The following HSPA4L variants were observed in gnomAD, a reference collection of about 807,000 sequenced individuals.
HSPA4L encodes the protein heat shock 70 kDa protein 4L.
A neutral mutation model predicts 100.3 loss-of-function variants in HSPA4L; 48 were observed. The ratio of observed to expected loss-of-function variants is 0.48; its 90% CI spans 0.38 to 0.61. The LOEUF (loss-of-function observed/expected upper bound fraction) is 0.61, where lower values mean the gene tolerates loss of function less well. Among genes scored for constraint, HSPA4L ranks in the 20% least tolerant of loss-of-function variants. The pLI, the probability that HSPA4L is intolerant of heterozygous loss-of-function variation, is 0.00. For missense variants in HSPA4L, 886 were observed against 988.6 expected (o/e 0.90, Z 1.39); for synonymous variants, 319 against 328.2 (o/e 0.97, Z 0.30).
chr4:127,787,672 C>G (rs1732755578), intron 1 of HSPA4L, among the ~76,000 whole-genome samples: 1 of 152,106 alleles, frequency 6.6e-6, no homozygotes, highest in Admixed American at 6.6e-5. Flanking sequence ...TTTTTGCTAG[C>G]TGTATAGTAT....
chr4:127,795,256 AT>A (rs1393659791), intron 2 of HSPA4L, among the ~76,000 whole-genome samples: 1 of 152,092 alleles, frequency 6.6e-6, no homozygotes, highest in Admixed American at 6.6e-5. Context: ...CAGATTCTGT[AT>A]TTTTTCAGAT....
At chr4:127,805,555 C>T in intron 9 of HSPA4L, 132 bp from the exon 10 acceptor site, 3 of 612,562 alleles carry the variant, frequency 4.9e-6, no homozygotes, top group East Asian at 2.9e-5. Context: ...TTTCACTTCT[C>T]ATTGCCAAAA....
chr4:127,822,901 C>T lies in HSPA4L; in HGVS notation c.1938+7C>T. On this transcript the variant is annotated splice_region_variant and intron_variant, in intron 15 of 18. Transcript: ENST00000296464. ...AAAATTCATCACTCCAGAAGTAAGT[C>T]TAAATTCTGTTAATTTTTTGTGAGG... 6.2e-7 allele frequency: 1 copy of T among 1,609,772 alleles called. No homozygotes were observed. The highest frequency in any genetic ancestry group is 8.5e-7 in the Non-Finnish European group (1 of 1,178,492).
chr4:127,798,810 C>A, intron 4 of HSPA4L, 101 bp downstream of exon 4: 1 of 1,099,018 alleles, frequency 9.1e-7, no homozygotes, highest in Non-Finnish European at 1.3e-6. Context: ...TGCCCTTATC[C>A]AGTAAATAAC....
chr4:127,816,778 G>A (rs1184998788), intron 12 of HSPA4L, among the ~76,000 whole-genome samples: 3 of 152,188 alleles, frequency 2.0e-5, no homozygotes, highest in African/African-American at 7.2e-5. Flanking sequence ...AAGTGATTCA[G>A]AAGAGTTGGA....
At chr4:127,825,693 G>A (rs1490293861) in intron 16 of HSPA4L, among the ~76,000 whole-genome samples, 3 of 152,072 alleles carry the variant, frequency 2.0e-5, no homozygotes, top group Non-Finnish European at 4.4e-5. Flanking sequence ...AAGTGGCAGA[G>A]GCAGGTGTAT....
chr4:127,830,870 G>T, intron 18 of HSPA4L, 71 bp downstream of exon 18: 4 of 928,074 alleles, frequency 4.3e-6, no homozygotes, highest in Non-Finnish European at 6.0e-6. Context: ...TCATACTTTG[G>T]CAAATAATCA....
In HSPA4L at chr4:127,840,616, T is replaced by C. The variant is rs1734343864; in HGVS notation, c.*7742T>C. 6.6e-6 allele frequency: 1 copy of C among 152,232 alleles called. No homozygotes were observed. Among genetic ancestry groups the C allele is most frequent in the East Asian group, 1.9e-4 (1 of 5,204 alleles). 9.4% of individuals were successfully genotyped at this position (152,232 alleles called of 1,614,324 possible). The stretch of plus-strand genomic sequence containing the variant: ...ATAAAATATTTTCTATGTAAGTAAA[T>C]TGCATCTTTATGCTAGTGAACAAAG... On this transcript the variant is annotated 3_prime_UTR_variant, in exon 19 of 19. Coordinates refer to ENST00000296464, the MANE Select transcript of HSPA4L (RefSeq NM_014278.4).
chr4:127,829,197 C>T (rs985772754), intron 17 of HSPA4L, among the ~76,000 whole-genome samples: 9 of 152,010 alleles, frequency 5.9e-5, no homozygotes, highest in African/African-American at 1.7e-4. Context: ...ATGCTCTAGA[C>T]AAAGAATAGC....
chr4:127,804,290 T>C (rs767451289), intron 8 of HSPA4L, among the ~76,000 whole-genome samples: 3 of 152,178 alleles, frequency 2.0e-5, no homozygotes, highest in Admixed American at 6.6e-5. Context: ...CTGGATCTTC[T>C]TATTGTTTAT....
intron 1 of HSPA4L, among the ~76,000 whole-genome samples, chr4:127,786,265 C>T (rs547099059): frequency 6.6e-6 from 1 of 152,260 alleles, no homozygotes; most frequent in East Asian, 1.9e-4. Context: ...TCAGGCCTCT[C>T]TGACCCTAGA....
rs1198117146 is a variant in HSPA4L at position 127,784,629 on chromosome 4, C to T, written c.107+1972C>T. 2.0e-5 allele frequency among the ~76,000 whole-genome samples: 3 copies of T among 152,234 alleles called. No individual in the cohort carries two copies. The East Asian group carries it at 5.8e-4, about 29-fold the overall frequency. On this transcript the variant is annotated intron_variant, in intron 1 of 18. Coordinates refer to ENST00000296464, the MANE Select transcript of HSPA4L (RefSeq NM_014278.4). The stretch of plus-strand genomic sequence containing the variant: ...TTCTCTCCATGGCTGGGCACTGTCA[C>T]TTACCTCAGAAGTGTATCTTTTGTT...
At position 127,811,638 on chromosome 4, in the gene HSPA4L, T is replaced by TA. The variant is rs753059765; in HGVS notation, c.1578+3dup. The TA allele has an allele frequency of 3.1e-5, 49 of 1,596,548 alleles. No individual in the cohort carries two copies. Among genetic ancestry groups the TA allele is most frequent in the Non-Finnish European group, 3.7e-5 (43 of 1,167,912 alleles). On this transcript the variant is annotated splice_region_variant and intron_variant, in intron 12 of 18. Transcript: ENST00000296464. ...AAAAATGAAAACAAAGATAATATGGTATGTAGAAATTCTTTCTCAATGTTC... is the reference window on the plus strand; with the variant it reads ...AAAAATGAAAACAAAGATAATATGGTAATGTAGAAATTCTTTCTCAATGTTC...
In HSPA4L at chr4:127,833,006, G is replaced by A; in HGVS notation, c.*132G>A. ...GTCATTTGTTTTTTGGAGTAGTTTT[G>A]AAAAGTGTTTTATATTGAGTGCACT... On this transcript the variant is annotated 3_prime_UTR_variant, in exon 19 of 19. Transcript: ENST00000296464. 3.2e-6 allele frequency: 2 copies of A among 621,624 alleles called. No individual in the cohort carries two copies. Among genetic ancestry groups the A allele is most frequent in the East Asian group, 2.9e-5 (1 of 34,074 alleles). The allele number at this position is 621,624 out of a possible 1,614,324, so 38.5% of individuals were successfully genotyped here.
rs1380287288 is a variant in HSPA4L, at chr4:127,839,216, A to T, written c.*6342A>T. On this transcript the variant is annotated 3_prime_UTR_variant, in exon 19 of 19. Transcript: ENST00000296464. The stretch of plus-strand genomic sequence containing the variant: ...TCCTTGTTGTTTTAGAGTTTCCTAA[A>T]TTTTTTGCTTCTGGGGACTTGAGTA... The T allele has an allele frequency of 6.6e-6, 1 of 152,124 alleles. No individual in the cohort carries two copies. Among genetic ancestry groups the T allele is most frequent in the African/African-American group, 2.4e-5 (1 of 41,424 alleles). 9.4% of individuals were successfully genotyped at this position (152,124 alleles called of 1,614,324 possible). A position where few individuals can be genotyped will look rare whatever the true frequency, so the allele number is the denominator to read the frequency against.
intron 15 of HSPA4L, 51 bp from the exon 16 acceptor site, chr4:127,823,466 T>C (rs1733864566): frequency 7.4e-7 from 1 of 1,343,580 alleles, no homozygotes. Context: ...ATGATGACTT[T>C]TATTTCTAAG....
intron 1 of HSPA4L, among the ~76,000 whole-genome samples, chr4:127,784,071 G>A (rs562953919): frequency 6.6e-6 from 1 of 152,310 alleles, no homozygotes; most frequent in Admixed American, 6.5e-5. Flanking sequence ...CTGTGAAGTC[G>A]ATGAATTCGT....
Position 127,831,501 on chromosome 4 carries a change from T to TTAA in HSPA4L, c.2328+702_2328+703insTAA, listed in dbSNP as rs1351311274. ...GGTGACAGAGCAAGACCTTGTCTATTAAAAAAAAAAAAAAAAAAAAAAGGA... is the reference window on the plus strand; with the variant it reads ...GGTGACAGAGCAAGACCTTGTCTATTTAAAAAAAAAAAAAAAAAAAAAAAAGGA... On this transcript the variant is annotated intron_variant, in intron 18 of 18. Transcript: ENST00000296464. Among the ~76,000 whole-genome samples the TTAA allele has an allele frequency of 4.8e-5, 5 of 103,426 alleles. No individual in the cohort carries two copies. In the East Asian group the frequency reaches 1.0e-3, roughly 21 times the overall value. The allele number at this position is 103,426 out of a possible 152,430, so 67.9% of individuals were successfully genotyped here. A position where few individuals can be genotyped will look rare whatever the true frequency, so the allele number is the denominator to read the frequency against.
chr4:127,824,960 C>G (rs1204698643), intron 16 of HSPA4L, among the ~76,000 whole-genome samples: 4 of 151,910 alleles, frequency 2.6e-5, no homozygotes, highest in Admixed American at 2.6e-4. Flanking sequence ...CATGGTGAAA[C>G]CCTGTCTCTA....
Sources: allele counts gnomAD v4.1 joint callset (sites outside exome capture counted in the v4.1 genomes callset), GRCh38; gene constraint gnomAD v4.1.1; transcripts MANE v1.5; gene names NCBI Gene and HGNC (gene_info 2026-07-23, HGNC 2026-07-21).